Variants in KLB observed in about 807,000 individuals in gnomAD.
The protein encoded by KLB is beta-klotho.
Under a neutral mutation model 88.4 loss-of-function variants are expected in KLB, and 44 were observed. The ratio of observed to expected loss-of-function variants is 0.50; its 90% confidence interval spans 0.39 to 0.64. The LOEUF (loss-of-function observed/expected upper bound fraction) is 0.64, where lower values mean the gene tolerates loss of function less well. KLB is among the 30% of genes least tolerant of loss of function. The pLI is 0.00. For missense variants in KLB, 1,137 were observed against 1,304.8 expected (o/e 0.87, Z 1.98); for synonymous variants, 548 against 513.4 (o/e 1.07, Z -0.91).
chr4:39,429,768 CA>C (rs1743303136), intron 1 of KLB, among the ~76,000 whole-genome samples: 1 of 152,192 alleles, frequency 6.6e-6, no homozygotes, highest in African/African-American at 2.4e-5. Flanking sequence ...AACCAAAGAA[CA>C]CACATAGATG....
Position 39,451,241 on chromosome 4 carries a change from A to T in KLB, c.*2555A>T, listed in dbSNP as rs960940484. 6 of 152,254 alleles carry T rather than the reference A, an allele frequency of 3.9e-5. No individual in the cohort carries two copies. Among genetic ancestry groups the T allele is most frequent in the Non-Finnish European group, 7.3e-5 (5 of 68,050 alleles). 9.4% of individuals were successfully genotyped at this position (152,254 alleles called of 1,614,324 possible). On this transcript the variant is annotated 3_prime_UTR_variant, in exon 5 of 5. Coordinates refer to ENST00000257408, the MANE Select transcript of KLB (RefSeq NM_175737.4). ...TTTAATCTGGCTCATGCTCTATCAT[A>T]CTAAATATTCAGGTTTATCATAAAC...
intron 1 of KLB, among the ~76,000 whole-genome samples, chr4:39,427,438 G>C (rs868450777): frequency 6.8e-5 from 10 of 146,438 alleles, no homozygotes; most frequent in African/African-American, 2.3e-4. Context: ...AGCCAAGACC[G>C]AGCCACTGCA....
chr4:39,424,307 G>A (rs1379528590), intron 1 of KLB, among the ~76,000 whole-genome samples: 1 of 151,882 alleles, frequency 6.6e-6, no homozygotes, highest in Non-Finnish European at 1.5e-5. Flanking sequence ...CTGGGCTCAA[G>A]TGATCCACCA....
Position 39,447,486 on chromosome 4 carries a change from G to A in KLB, c.2749+11G>A. ...AGGAGGTGCTGAAAGGTAAGGGCGG[G>A]GCCCCTTCAGACACAGGGCAGAGCG... On this transcript the variant is annotated intron_variant, in intron 4 of 4. Transcript: ENST00000257408. The A allele has an allele frequency of 1.3e-6, 2 of 1,546,182 alleles. No individual in the cohort carries two copies. Among genetic ancestry groups the A allele is most frequent in the Non-Finnish European group, 1.7e-6 (2 of 1,147,026 alleles).
chr4:39,448,750 C>A lies in KLB; in HGVS notation c.*64C>A. The A allele has an allele frequency of 1.4e-6, 2 of 1,434,556 alleles. No individual in the cohort carries two copies. The highest frequency in any genetic ancestry group is 9.5e-7 in the Non-Finnish European group (1 of 1,056,558). The allele number at this position is 1,434,556 out of a possible 1,614,324, so 88.9% of individuals were successfully genotyped here. On this transcript the variant is annotated 3_prime_UTR_variant, in exon 5 of 5. Coordinates refer to ENST00000257408, the MANE Select transcript of KLB (RefSeq NM_175737.4). The stretch of plus-strand genomic sequence containing the variant: ...CCCAGTTCCATATGCTGGTAACTTA[C>A]AGGAGATATACCTGTATTATAGAAA...
intron 3 of KLB, among the ~76,000 whole-genome samples, chr4:39,442,641 G>T (rs1366228532): frequency 1.3e-5 from 2 of 151,896 alleles, no homozygotes. Context: ...CACTATTTTG[G>T]CCAGGCTGCT....
chr4:39,436,027 C>T (rs1743464154), intron 2 of KLB, among the ~76,000 whole-genome samples: 1 of 152,158 alleles, frequency 6.6e-6, no homozygotes, highest in Admixed American at 6.5e-5. Flanking sequence ...CTCCCAGAGA[C>T]TTTTGGCCCC....
intron 3 of KLB, among the ~76,000 whole-genome samples, chr4:39,443,707 G>A (rs566618609): frequency 3.2e-4 from 47 of 147,908 alleles, no homozygotes; most frequent in Non-Finnish European, 5.3e-4. Flanking sequence ...GTTGCAGTGA[G>A]CCAAGATCGC....
intron 2 of KLB, among the ~76,000 whole-genome samples, chr4:39,436,433 T>C (rs1277434709): frequency 6.6e-6 from 1 of 152,092 alleles, no homozygotes; most frequent in African/African-American, 2.4e-5. Context: ...GCAGAAAGGG[T>C]GTCCATTCCC....
intron 1 of KLB, among the ~76,000 whole-genome samples, chr4:39,415,318 A>T (rs761240147): frequency 6.5e-4 from 99 of 152,226 alleles, no homozygotes; most frequent in Admixed American, 1.4e-3. Context: ...TGTTTACTAA[A>T]ATATTTTTCT....
rs2109838920 is a variant in KLB at position 39,437,816 on chromosome 4, C to T, written c.1426C>T (p.Arg476Ter). The T allele has an allele frequency of 1.2e-6, 2 of 1,614,094 alleles. No homozygotes were observed. Among genetic ancestry groups the T allele is most frequent in the Non-Finnish European group, 1.7e-6 (2 of 1,180,032 alleles). ...ATGGCAGGATGCTTACACCATCCGC[C>T]GAGGATTATTTTATGTGGATTTTAA... Reference protein sequence around the residue: ...FEWQDAYTIRRGLFYVDFNSK... With the variant: ...FEWQDAYTIR Residue 476 changes from arginine to a stop codon, truncating the protein, a stop_gained, in exon 3 of 5, where the codon CGA becomes TGA. Transcript: ENST00000257408. LOFTEE classifies it high-confidence loss of function.
chr4:39,420,443 G>A (rs1474921765), intron 1 of KLB, among the ~76,000 whole-genome samples: 1 of 152,122 alleles, frequency 6.6e-6, no homozygotes, highest in East Asian at 1.9e-4. Context: ...TTTCCTTTGA[G>A]ATTTTTGGAA....
intron 1 of KLB, among the ~76,000 whole-genome samples, chr4:39,413,015 A>G (rs1341441074): frequency 6.6e-6 from 1 of 152,202 alleles, no homozygotes; most frequent in Non-Finnish European, 1.5e-5. Flanking sequence ...AAATTGGCTA[A>G]AGCAAAAAGG....
chr4:39,443,621 C>T, intron 3 of KLB, among the ~76,000 whole-genome samples: 1 of 148,438 alleles, frequency 6.7e-6, no homozygotes, highest in East Asian at 2.0e-4. Context: ...ATTAGCCAGG[C>T]AGGGTGGCAT....
chr4:39,440,360 G>T (rs1303772261), intron 3 of KLB, among the ~76,000 whole-genome samples: 3 of 151,384 alleles, frequency 2.0e-5, no homozygotes, highest in Non-Finnish European at 4.4e-5. Flanking sequence ...GACCAGGCTG[G>T]TCTTGAATGT....
rs201573139 is a variant in KLB at position 39,434,443 on chromosome 4, C to T, written c.1059C>T (p.Pro353=). 1.2e-6 allele frequency: 2 copies of T among 1,614,068 alleles called. No homozygotes were observed. The highest frequency in any genetic ancestry group is 1.7e-6 in the Non-Finnish European group (2 of 1,180,038). ...GMRKKLFSVL[P]IFSEAEKHEM... is the part of the protein sequence containing the mutation. ...GAAAGAAGTTGTTCTCCGTTCTACC[C>T]ATTTTCTCTGAAGCAGAGAAGCATG... Residue 353 remains proline (P), a synonymous_variant, in exon 2 of 5, where the codon CCC becomes CCT. Transcript: ENST00000257408.
intron 3 of KLB, among the ~76,000 whole-genome samples, chr4:39,439,611 C>T (rs1416564525): frequency 6.6e-6 from 1 of 151,968 alleles, no homozygotes; most frequent in Non-Finnish European, 1.5e-5. Context: ...CCTGCCTCAG[C>T]CTCCCAAGTA....
chr4:39,444,438 C>A (rs28521730), intron 3 of KLB, among the ~76,000 whole-genome samples: 43,461 of 152,048 alleles, frequency 0.29, 6,725 homozygotes, highest in African/African-American at 0.38. Context: ...ACAAGATGCC[C>A]ACCTTCATCT....
intron 2 of KLB, among the ~76,000 whole-genome samples, chr4:39,436,308 A>C (rs956712242): frequency 6.6e-6 from 1 of 152,156 alleles, no homozygotes; most frequent in East Asian, 1.9e-4. Context: ...CTGCCGCCCC[A>C]AGTTGCAGGA....
Sources: gnomAD v4.1 joint callset for allele counts (sites outside exome capture counted in the v4.1 genomes callset) on GRCh38, gnomAD v4.1.1 for gene constraint, MANE v1.5 for transcripts, NCBI Gene and HGNC (gene_info 2026-07-23, HGNC 2026-07-21) for gene names.